The following IL9R variants were observed in gnomAD, a reference collection of about 807,000 sequenced individuals.
IL9R encodes the protein interleukin 9 receptor.
A neutral mutation model predicts 56.3 loss-of-function variants in IL9R; 54 were observed. The ratio of observed to expected loss-of-function variants is 0.96; its 90% CI spans 0.77 to 1.20. The LOEUF is 1.20. Ranked by LOEUF, IL9R falls within the 50% of genes most tolerant of loss-of-function variation. The pLI, the probability that IL9R is intolerant of heterozygous loss-of-function variation, is 0.00. For synonymous variants in IL9R, 212 were observed against 250.2 expected (o/e 0.85, Z 1.44); for missense variants, 545 against 629.8 (o/e 0.87, Z 1.44).
At chrX:155,998,907 C>A (rs3093463) in intron 1 of IL9R, among the ~76,000 whole-genome samples, 10,305 of 152,088 alleles carry the variant, frequency 0.068, 472 homozygotes, top group Middle Eastern at 0.11. Flanking sequence ...TACCTCTTCA[C>A]CAAGACAGCA....
Position 156,004,497 on chromosome X carries a change from G to T in IL9R, c.511G>T (p.Ala171Ser), listed in dbSNP as rs1230688075. The change falls in exon 5 of 9, where the codon GCC becomes TCC. Residue 171 changes from alanine (A) to serine (S), a missense_variant. Transcript: ENST00000244174. Reference sequence around the variant, plus strand: ...CATCCTGACCTGGAGCATCAGTCCTGCCTTGGAGCCAATGACCACACTTCT... The same window carrying T: ...CATCCTGACCTGGAGCATCAGTCCTTCCTTGGAGCCAATGACCACACTTCT... ...HCILTWSISP[A>S]LEPMTTLLSY... 6.2e-6 allele frequency: 10 copies of T among 1,613,744 alleles called. No individual in the cohort carries two copies. Among genetic ancestry groups the T allele is most frequent in the East Asian group, 2.2e-5 (1 of 44,888 alleles).
rs763829293 is a variant in IL9R, at chrX:155,997,777, C to T, written c.18C>T (p.Cys6=). The T allele has an allele frequency of 5.0e-6, 8 of 1,613,422 alleles. No homozygotes were observed. The highest frequency in any genetic ancestry group is 3.3e-5 in the South Asian group (3 of 91,022). The part of the protein sequence containing the change: MGLGR[C]IWEGWTLESE... ...GACTTGTGATGGGACTGGGCAGATG[C>T]ATCTGGGAAGGTGAGTCTGTGCTTT... The change falls in exon 1 of 9, where the codon TGC becomes TGT. Residue 6 remains cysteine, a synonymous_variant. Transcript: ENST00000244174.
At chrX:156,003,045 A>G in intron 2 of IL9R, 26 bp downstream of exon 2, 4 of 1,613,548 alleles carry the variant, frequency 2.5e-6, no homozygotes, top group Non-Finnish European at 3.4e-6. Context: ...TAATGTCTGT[A>G]TGAGGTGGGT....
At chrX:156,009,403 C>CTGTG (rs1293609662) in intron 8 of IL9R, among the ~76,000 whole-genome samples, 3 of 129,456 alleles carry the variant, frequency 2.3e-5, no homozygotes, top group Non-Finnish European at 3.2e-5. Context: ...GTGTGTGTCT[C>CTGTG]TGTGTGTGTG....
intron 8 of IL9R, among the ~76,000 whole-genome samples, chrX:156,009,320 TTA>T (rs1347234169): frequency 8.2e-5 from 12 of 146,614 alleles, no homozygotes; most frequent in South Asian, 4.4e-4. Flanking sequence ...CTGTGTGTGT[TTA>T]TGTCTGTGTG....
At chrX:156,008,963 ATG>A (rs1194381954) in intron 8 of IL9R, among the ~76,000 whole-genome samples, 15 of 78,622 alleles carry the variant, frequency 1.9e-4, no homozygotes, top group South Asian at 7.2e-4. Context: ...GTGTGTGTTT[ATG>A]TGTGTGTGTC....
chrX:156,006,477 ACCAGAC>A (rs1191625626), intron 7 of IL9R, among the ~76,000 whole-genome samples: 4 of 150,166 alleles, frequency 2.7e-5, no homozygotes, highest in Non-Finnish European at 5.9e-5. Context: ...CTTGGTCCCG[ACCAGAC>A]CCAGAGTCAC....
chrX:156,004,178 A>T, intron 4 of IL9R: 1 of 600,954 alleles, frequency 1.7e-6, no homozygotes, highest in Non-Finnish European at 3.0e-6. Flanking sequence ...CCAGCAGCAG[A>T]CTGTGAAGGA....
chrX:156,001,365 C>T lies in IL9R; in HGVS notation c.29-1541C>T, dbSNP rs1319902292. 20 of 1,321,490 alleles carry T rather than the reference C, an allele frequency of 1.5e-5. 1 individual carries two copies. In the African/African-American group the frequency reaches 1.9e-4, roughly 12 times the overall value. The allele number at this position is 1,321,490 out of a possible 1,614,324, so 81.9% of individuals were successfully genotyped here. A position where few individuals can be genotyped will look rare whatever the true frequency, so the allele number is the denominator to read the frequency against. On this transcript the variant is annotated intron_variant, in intron 1 of 8. Transcript: ENST00000244174. Reference sequence around the variant, plus strand: ...TGACTCCAACCCTGCCCTCACATATCCCAAGAGCAGGCTGACTGCCTTCCC... The same window carrying T: ...TGACTCCAACCCTGCCCTCACATATTCCAAGAGCAGGCTGACTGCCTTCCC...
intron 1 of IL9R, chrX:156,001,391 C>T (rs2067512779): frequency 6.4e-7 from 1 of 1,556,330 alleles, no homozygotes; most frequent in South Asian, 1.1e-5. Context: ...CTGCCTTCCC[C>T]ATTCCCACCT....
At chrX:156,009,225 CTG>C (rs1569478988) in intron 8 of IL9R, among the ~76,000 whole-genome samples, 238 of 27,098 alleles carry the variant, frequency 8.8e-3, no homozygotes, top group East Asian at 7.1e-3. Flanking sequence ...GTTTATGTGT[CTG>C]TGTGTGTTCG....
rs762571736 is a variant in IL9R, at chrX:156,003,684, G to C, written c.262G>C (p.Ala88Pro). The change falls in exon 4 of 9, where the codon GCT becomes CCT. Residue 88 changes from alanine (A) to proline (P), a missense_variant. Ala to Pro is a conservative substitution (Grantham distance 27). Around this residue, in one of 2 missense-constraint regions of IL9R, gnomAD observed 431 missense variants for 360.0 expected, o/e 1.20. Coordinates refer to ENST00000244174, the MANE Select transcript of IL9R (RefSeq NM_002186.3). ...SPWLLFTSNQ[A>P]PGGTHKCILR... ...GACAAATGCCCTTTCCAGCAACCAG[G>C]CTCCTGGCGGCACACATAAGTGCAT... 17 of 1,612,860 alleles carry C rather than the reference G, an allele frequency of 1.1e-5. No homozygotes were observed. Among genetic ancestry groups the C allele is most frequent in the Admixed American group, 5.0e-5 (3 of 59,832 alleles).
intron 5 of IL9R, among the ~76,000 whole-genome samples, chrX:156,004,878 G>A (rs1410316482): frequency 5.3e-5 from 8 of 152,114 alleles, no homozygotes; most frequent in African/African-American, 1.9e-4. Context: ...GTGTTTATAT[G>A]TAAGTGTACA....
At chrX:156,009,041 GTGTTTGTGTCTGTGTGTGTT>G (rs2068224050) in intron 8 of IL9R, among the ~76,000 whole-genome samples, 1 of 149,846 alleles carries the variant, frequency 6.7e-6, no homozygotes, top group African/African-American at 2.5e-5. Flanking sequence ...GTATCTGTGT[GTGTTTGTGTCTGTGTGTGTT>G]TGTGTGTGTG....
At chrX:155,998,515 A>G (rs2067292362) in intron 1 of IL9R, among the ~76,000 whole-genome samples, 2 of 151,684 alleles carry the variant, frequency 1.3e-5, no homozygotes, top group Admixed American at 1.3e-4. Flanking sequence ...TTCTGGGCTC[A>G]CCCTCTTCCC....
intron 1 of IL9R, among the ~76,000 whole-genome samples, chrX:156,000,970 C>G (rs1160311673): frequency 6.6e-6 from 1 of 152,158 alleles, no homozygotes; most frequent in Non-Finnish European, 1.5e-5. Context: ...TGACCCTGCC[C>G]TGCTCAGCTT....
intron 4 of IL9R, 84 bp from the exon 5 acceptor site, chrX:156,004,336 C>G (rs1227148921): frequency 1.4e-6 from 2 of 1,453,402 alleles, no homozygotes; most frequent in African/African-American, 2.8e-5. Context: ...CCTTGGGAGT[C>G]TTTCAGACCC....
At chrX:156,007,357 T>C (rs753752434) in intron 7 of IL9R, among the ~76,000 whole-genome samples, 166 bp from the exon 8 acceptor site, 17 of 151,008 alleles carry the variant, frequency 1.1e-4, no homozygotes, top group African/African-American at 4.2e-4. Flanking sequence ...GGAGGCCCAG[T>C]TGGGTCCTGC....
At position 156,009,149 on chromosome X, in the gene IL9R, GTGTT is replaced by G. The variant is rs1188225054; in HGVS notation, c.973-663_973-660del. ...TGTTTGTGTGTGTGTTTGTGTGTGT[GTGTT>G]TGTGTTTATGTGTGTATGTCTGTGT... is the stretch of plus-strand genomic sequence containing the variant. On this transcript the variant is annotated intron_variant, in intron 8 of 8. Transcript: ENST00000244174. 2.5e-3 allele frequency among the ~76,000 whole-genome samples: 367 copies of G among 149,714 alleles called. 2 individuals are homozygous for G. The highest frequency in any genetic ancestry group is 8.3e-3 in the African/African-American group (332 of 39,774).
Sources: gnomAD v4.1 joint callset for allele counts (sites outside exome capture counted in the v4.1 genomes callset) on GRCh38, gnomAD v4.1.1 for gene constraint, gnomAD v4.1.1 regional missense constraint, MANE v1.5 for transcripts, NCBI Gene and HGNC (gene_info 2026-07-23, HGNC 2026-07-21) for gene names.